ZNF662: variants seen among roughly 807,000 people sequenced by gnomAD.
ZNF662 encodes zinc finger protein 662.
In ZNF662, 14 loss-of-function variants were observed where a neutral mutation model predicts 12.4. That is an observed-to-expected ratio of 1.13 (90% CI 0.75 to 1.77). The LOEUF is 1.77. ZNF662 is among the 40% of genes most tolerant of loss of function. The probability of loss-of-function intolerance (pLI) is 0.00; values close to 1 mark genes in which losing one functional copy is unlikely to be tolerated. For synonymous variants in ZNF662, 184 were observed against 176.4 expected, an observed-to-expected ratio of 1.04 and a Z score of -0.34; for missense variants, 550 against 515.6, an observed-to-expected ratio of 1.07 and a Z score of -0.65.
chr3:42,911,145 C>T (rs768934144), intron 3 of ZNF662, among the ~76,000 whole-genome samples: 14 of 152,154 alleles, frequency 9.2e-5, no homozygotes, highest in Non-Finnish European at 1.6e-4. Context: ...TAATGGACTA[C>T]CTTAAGTCAT....
At position 42,915,201 on chromosome 3, in the gene ZNF662, T is replaced by C. The variant is rs1330569395; in HGVS notation, c.1128T>C (p.Ile376=). 6.2e-7 allele frequency: 1 copy of C among 1,614,088 alleles called. No homozygotes were observed. Among genetic ancestry groups the C allele is most frequent in the Non-Finnish European group, 8.5e-7 (1 of 1,180,032 alleles). The change falls in exon 5 of 5, where the codon ATT becomes ATC. Residue 376 remains isoleucine (I), a synonymous_variant. Transcript: ENST00000440367. ...GKSFFCKAHL[I]RHQRIHTGER... ...GCTTCTTTTGCAAGGCACATCTTATTCGACATCAAAGAATCCATACTGGGG... is the reference window on the plus strand; with the variant it reads ...GCTTCTTTTGCAAGGCACATCTTATCCGACATCAAAGAATCCATACTGGGG...
In ZNF662 at chr3:42,915,589, A is replaced by G; in HGVS notation, c.*235A>G. 1 of 443,244 alleles carries G rather than the reference A, an allele frequency of 2.3e-6. No individual in the cohort carries two copies. The highest frequency in any genetic ancestry group is 5.3e-5 in the South Asian group (1 of 18,760). The allele number at this position is 443,244 out of a possible 1,614,324, so 27.5% of individuals were successfully genotyped here. A position where few individuals can be genotyped will look rare whatever the true frequency, so the allele number is the denominator to read the frequency against. ...CTGTATCAGGTGCTAACCACTTTAC[A>G]TACATTAATTTGCATAACAATCCTA... On this transcript the variant is annotated 3_prime_UTR_variant, in exon 5 of 5. Transcript: ENST00000440367.
Position 42,918,251 on chromosome 3 carries a change from C to G in ZNF662, c.*2897C>G, listed in dbSNP as rs1397944657. Among the ~76,000 whole-genome samples the G allele has an allele frequency of 6.6e-6, 1 of 151,990 alleles. No individual in the cohort carries two copies. Among genetic ancestry groups the G allele is most frequent in the African/African-American group, 2.4e-5 (1 of 41,402 alleles). On this transcript the variant is annotated 3_prime_UTR_variant, in exon 5 of 5. Transcript: ENST00000440367. ...AAAATCTGGGTTCTTGTCTCATGACCAGGAAAAATTAGTCACAGGGACACA... is the reference window on the plus strand; with the variant it reads ...AAAATCTGGGTTCTTGTCTCATGACGAGGAAAAATTAGTCACAGGGACACA...
chr3:42,908,033 C>T lies in ZNF662; in HGVS notation c.-82C>T. On this transcript the variant is annotated 5_prime_UTR_variant, in exon 2 of 5. Coordinates refer to ENST00000440367, the MANE Select transcript of ZNF662 (RefSeq NM_207404.4). ...ACATGTTGTTTCAGGAGTCAGTGACCTTCGAGGATGTGGCCGTCTACTTCT... is the reference window on the plus strand; with the variant it reads ...ACATGTTGTTTCAGGAGTCAGTGACTTTCGAGGATGTGGCCGTCTACTTCT... 2.5e-6 allele frequency: 4 copies of T among 1,614,152 alleles called. No individual in the cohort carries two copies. The highest frequency in any genetic ancestry group is 3.4e-6 in the Non-Finnish European group (4 of 1,180,010).
intron 3 of ZNF662, among the ~76,000 whole-genome samples, chr3:42,912,671 T>TATATATATAAATATATATATATATTTA (rs1553609512): frequency 4.3e-5 from 2 of 46,078 alleles, no homozygotes; most frequent in Non-Finnish European, 6.9e-5. Context: ...TATATATTTT[T>TATATATATAAATATATATATATATTTA]TATATATATA....
rs1169117017 is a variant in ZNF662, at chr3:42,915,995, T to C, written c.*641T>C. ...GCTAAATGACTCTGAGGACCAACAG[T>C]ACATTTCTTTTATGTTTTTCAAATC... On this transcript the variant is annotated 3_prime_UTR_variant, in exon 5 of 5. Transcript: ENST00000440367. 3 of 152,128 alleles carry C rather than the reference T, an allele frequency of 2.0e-5. No individual in the cohort carries two copies. The highest frequency in any genetic ancestry group is 6.6e-5 in the Admixed American group (1 of 15,260). The allele number at this position is 152,128 out of a possible 1,614,324, so 9.4% of individuals were successfully genotyped here. A position where few individuals can be genotyped will look rare whatever the true frequency, so the allele number is the denominator to read the frequency against.
At position 42,917,845 on chromosome 3, in the gene ZNF662, G is replaced by A. The variant is rs1194291872; in HGVS notation, c.*2491G>A. On this transcript the variant is annotated 3_prime_UTR_variant, in exon 5 of 5. Coordinates refer to ENST00000440367, the MANE Select transcript of ZNF662 (RefSeq NM_207404.4). The stretch of plus-strand genomic sequence containing the variant: ...GCTTTTGCTGGGTGCAGTGGCTTAC[G>A]CCTGTAATCCCATCACTTTGGGAGG... 2.0e-5 allele frequency among the ~76,000 whole-genome samples: 3 copies of A among 152,202 alleles called. No homozygotes were observed. The South Asian group carries it at 6.2e-4, about 32-fold the overall frequency.
In ZNF662 at chr3:42,906,349, G is replaced by A. The variant is rs2088678070; in HGVS notation, c.-94+181G>A. On this transcript the variant is annotated intron_variant, in intron 1 of 4. Coordinates refer to ENST00000440367, the MANE Select transcript of ZNF662 (RefSeq NM_207404.4). This position sits in a 1 kb window ranked among gnomAD's most constrained non-coding sequence, Gnocchi z 4.4. The stretch of plus-strand genomic sequence containing the variant: ...CTCGCTTTCCCAGAGGGCGACCTGG[G>A]CTATGGCGGCCGTGGCGCTGGCGAG... 1 of 1,529,282 alleles carries A rather than the reference G, an allele frequency of 6.5e-7. No individual in the cohort carries two copies. Among genetic ancestry groups the A allele is most frequent in the South Asian group, 1.2e-5 (1 of 83,344 alleles). 94.7% of individuals were successfully genotyped at this position (1,529,282 alleles called of 1,614,324 possible). A position where few individuals can be genotyped will look rare whatever the true frequency, so the allele number is the denominator to read the frequency against.
Position 42,916,018 on chromosome 3 carries a change from A to G in ZNF662, c.*664A>G, listed in dbSNP as rs1460134728. On this transcript the variant is annotated 3_prime_UTR_variant, in exon 5 of 5. Coordinates refer to ENST00000440367, the MANE Select transcript of ZNF662 (RefSeq NM_207404.4). ...AGTACATTTCTTTTATGTTTTTCAA[A>G]TCCTGAAACATTAATCTTTGACTAG... is the stretch of plus-strand genomic sequence containing the variant. The G allele has an allele frequency of 6.6e-6, 1 of 152,140 alleles. No homozygotes were observed. The highest frequency in any genetic ancestry group is 1.9e-4 in the East Asian group (1 of 5,170). The allele number at this position is 152,140 out of a possible 1,614,324, so 9.4% of individuals were successfully genotyped here.
rs975331064 is a variant in ZNF662 at position 42,919,208 on chromosome 3, C to T, written c.*3854C>T. 5.9e-5 allele frequency among the ~76,000 whole-genome samples: 9 copies of T among 152,138 alleles called. No individual in the cohort carries two copies. Among genetic ancestry groups the T allele is most frequent in the African/African-American group, 9.7e-5 (4 of 41,430 alleles). The stretch of plus-strand genomic sequence containing the variant: ...AATGTGGGCAAAAACTTAAAAACAA[C>T]GAATGAGTCTAAAATCTAATGACAA... On this transcript the variant is annotated 3_prime_UTR_variant, in exon 5 of 5. Coordinates refer to ENST00000440367, the MANE Select transcript of ZNF662 (RefSeq NM_207404.4).
At position 42,915,646 on chromosome 3, in the gene ZNF662, A is replaced by G. The variant is rs1354453891; in HGVS notation, c.*292A>G. The G allele has an allele frequency of 3.5e-6, 1 of 284,054 alleles. No homozygotes were observed. The highest frequency in any genetic ancestry group is 6.6e-6 in the Non-Finnish European group (1 of 152,108). The allele number at this position is 284,054 out of a possible 1,614,324, so 17.6% of individuals were successfully genotyped here. Reference sequence around the variant, plus strand: ...TAGGTGCTCTTCTCCCCATTTTACAAATGAGAAATCTGAGTTGAAAGAGGT... The same window carrying G: ...TAGGTGCTCTTCTCCCCATTTTACAGATGAGAAATCTGAGTTGAAAGAGGT... On this transcript the variant is annotated 3_prime_UTR_variant, in exon 5 of 5. Transcript: ENST00000440367.
rs373371053 is a variant in ZNF662 at position 42,915,064 on chromosome 3, C to G, written c.991C>G (p.Pro331Ala). Reference protein sequence around the residue: ...RHQRMHTGEKPYECKDCGKGF... With the variant: ...RHQRMHTGEKAYECKDCGKGF... Reference sequence around the variant, plus strand: ...TCAGAGAATGCACACTGGGGAGAAGCCTTACGAATGTAAGGACTGTGGGAA... The same window carrying G: ...TCAGAGAATGCACACTGGGGAGAAGGCTTACGAATGTAAGGACTGTGGGAA... The change falls in exon 5 of 5, where the codon CCT becomes GCT. Residue 331 changes from proline to alanine, a missense_variant. Coordinates refer to ENST00000440367, the MANE Select transcript of ZNF662 (RefSeq NM_207404.4). 7.4e-6 allele frequency: 12 copies of G among 1,613,864 alleles called. No homozygotes were observed. The highest frequency in any genetic ancestry group is 2.7e-5 in the African/African-American group (2 of 74,886).
At chr3:42,908,201 C>T in intron 2 of ZNF662, 53 bp downstream of exon 2, 1 of 1,566,302 alleles carries the variant, frequency 6.4e-7, no homozygotes, top group Non-Finnish European at 8.7e-7. Context: ...TTTGCTGGCT[C>T]CTTTTTTCTC....
In ZNF662 at chr3:42,912,666, A is replaced by ATATATATAAATATATATATATT. The variant is rs2088830265; in HGVS notation, c.152-534_152-533insATATATAAATATATATATATTT. ...TATATATATATAAATATATATATAT[A>ATATATATAAATATATATATATT]TTTTTTATATATATAAATATATATA... On this transcript the variant is annotated intron_variant, in intron 3 of 4. Coordinates refer to ENST00000440367, the MANE Select transcript of ZNF662 (RefSeq NM_207404.4). Among the ~76,000 whole-genome samples, 7 of 26,156 alleles carry ATATATATAAATATATATATATT rather than the reference A, an allele frequency of 2.7e-4. 2 individuals carry two copies. The highest frequency in any genetic ancestry group is 3.6e-4 in the Non-Finnish European group (5 of 13,820). 17.2% of individuals were successfully genotyped at this position (26,156 alleles called of 152,430 possible). A position where few individuals can be genotyped will look rare whatever the true frequency, so the allele number is the denominator to read the frequency against.
chr3:42,917,676 C>T lies in ZNF662; in HGVS notation c.*2322C>T, dbSNP rs2088908563. ...GAGTTTTCTGTTATTTGCAACTTAG[C>T]CACACTAATACTGTTTTGTGTTTGA... On this transcript the variant is annotated 3_prime_UTR_variant, in exon 5 of 5. Transcript: ENST00000440367. 1 of 653,192 alleles carries T rather than the reference C, an allele frequency of 1.5e-6. No individual in the cohort carries two copies. The highest frequency in any genetic ancestry group is 2.5e-5 in the Admixed American group (1 of 39,848). 40.5% of individuals were successfully genotyped at this position (653,192 alleles called of 1,614,324 possible). A position where few individuals can be genotyped will look rare whatever the true frequency, so the allele number is the denominator to read the frequency against.
chr3:42,918,059 T>C lies in ZNF662; in HGVS notation c.*2705T>C, dbSNP rs2088912183. On this transcript the variant is annotated 3_prime_UTR_variant, in exon 5 of 5. Coordinates refer to ENST00000440367, the MANE Select transcript of ZNF662 (RefSeq NM_207404.4). ...AGGTGGAGGTTGCAGTGAGCCGAGATTGTGCCATTGCACTCCAGCCTGGGC... is the reference window on the plus strand; with the variant it reads ...AGGTGGAGGTTGCAGTGAGCCGAGACTGTGCCATTGCACTCCAGCCTGGGC... Among the ~76,000 whole-genome samples the C allele has an allele frequency of 6.6e-6, 1 of 152,238 alleles. No individual in the cohort carries two copies. The highest frequency in any genetic ancestry group is 1.5e-5 in the Non-Finnish European group (1 of 68,040).
At position 42,908,471 on chromosome 3, in the gene ZNF662, A is replaced by T. The variant is rs2088715991; in HGVS notation, c.35-322A>T. 3 of 1,238,210 alleles carry T rather than the reference A, an allele frequency of 2.4e-6. No homozygotes were observed. The East Asian group carries it at 1.1e-4, about 45-fold the overall frequency. The allele number at this position is 1,238,210 out of a possible 1,614,324, so 76.7% of individuals were successfully genotyped here. A position where few individuals can be genotyped will look rare whatever the true frequency, so the allele number is the denominator to read the frequency against. ...CTCTCGGTTTGCAAGATCCAGCCTA[A>T]TTCCAAGCATCCTCATGAGGATGTC... On this transcript the variant is annotated intron_variant, in intron 2 of 4. Coordinates refer to ENST00000440367, the MANE Select transcript of ZNF662 (RefSeq NM_207404.4).
At chr3:42,909,794 T>C (rs1345733946) in intron 3 of ZNF662, among the ~76,000 whole-genome samples, 1 of 147,944 alleles carries the variant, frequency 6.8e-6, no homozygotes, top group Non-Finnish European at 1.5e-5. Flanking sequence ...CCAGATGGCG[T>C]GGCGGCGGGG....
In ZNF662 at chr3:42,908,898, G is replaced by A; in HGVS notation, c.140G>A (p.Gly47Asp). The change falls in exon 3 of 5, where the codon GGC (glycine) becomes GAC (aspartate). Residue 47 changes from glycine to aspartate, a missense_variant. Physicochemically the swap from Gly to Asp is moderately conservative, Grantham distance 94. Transcript: ENST00000440367. ...RGALDGEAPR[G>D]ISSGYPFLKP... The stretch of plus-strand genomic sequence containing the variant: ...GCTCTGGATGGAGAGGCCCCAAGGG[G>A]CATCTCCTCAGGTGAGTGAGGGCAC... 1.2e-6 allele frequency: 2 copies of A among 1,613,728 alleles called. No individual in the cohort carries two copies. The highest frequency in any genetic ancestry group is 8.5e-7 in the Non-Finnish European group (1 of 1,179,690).
Sources: gnomAD v4.1 joint callset for allele counts (sites outside exome capture counted in the v4.1 genomes callset) on GRCh38, gnomAD v4.1.1 for gene constraint, Gnocchi (gnomAD v3.1) non-coding constraint, MANE v1.5 for transcripts, NCBI Gene and HGNC (gene_info 2026-07-23, HGNC 2026-07-21) for gene names.